LY96: variants seen among roughly 807,000 people sequenced by gnomAD.
LY96 encodes the protein lymphocyte antigen 96, also known as myeloid differentiation protein-2.
In LY96, 18 loss-of-function variants were observed where a neutral mutation model predicts 18.9. That is an observed-to-expected ratio of 0.95 (90% confidence interval 0.66 to 1.41). The LOEUF (loss-of-function observed/expected upper bound fraction) is 1.41. LY96 is among the 40% of genes most tolerant of loss of function. LY96 has a pLI of 0.00. For synonymous variants in LY96, 66 were observed against 62.6 expected, an observed-to-expected ratio of 1.06 and a Z score of -0.26; for missense variants, 175 against 182.4, an observed-to-expected ratio of 0.96 and a Z score of 0.23.
the LY96 span, among the ~76,000 whole-genome samples, chr8:74,042,450 G>T: frequency 1.3e-5 from 2 of 151,964 alleles, no homozygotes; most frequent in African/African-American, 4.8e-5. Context: ...GAACCCAGGA[G>T]GTGGAGGTTG....
At chr8:74,063,163 T>G in the LY96 span, among the ~76,000 whole-genome samples, 1 of 152,302 alleles carries the variant, frequency 6.6e-6, no homozygotes, top group South Asian at 2.1e-4. Flanking sequence ...CCTTGTAACA[T>G]GGACCAACCC....
At chr8:73,992,069 G>A (rs984032978) in intron 1 of LY96, among the ~76,000 whole-genome samples, 7 of 152,192 alleles carry the variant, frequency 4.6e-5, no homozygotes, top group Admixed American at 2.6e-4. Flanking sequence ...TAGCACTGAA[G>A]TGAAAGTGAT....
At chr8:74,057,267 C>A in the LY96 span, among the ~76,000 whole-genome samples, 2 of 152,158 alleles carry the variant, frequency 1.3e-5, no homozygotes, top group Non-Finnish European at 2.9e-5. Context: ...TTGGGAAGTG[C>A]TCCTACCTTT....
the LY96 span, among the ~76,000 whole-genome samples, chr8:74,041,350 C>T: frequency 1.3e-5 from 2 of 152,148 alleles, no homozygotes; most frequent in African/African-American, 2.4e-5. Flanking sequence ...GATTGTAAAA[C>T]ATGTGTGTTT....
At chr8:73,998,000 A>C (rs1037524068) in intron 1 of LY96, among the ~76,000 whole-genome samples, 1 of 152,120 alleles carries the variant, frequency 6.6e-6, no homozygotes, top group Non-Finnish European at 1.5e-5. Context: ...GCATAATCGA[A>C]TGTTAACTCT....
the LY96 span, among the ~76,000 whole-genome samples, chr8:74,077,165 C>T: frequency 6.6e-6 from 1 of 152,182 alleles, no homozygotes; most frequent in Non-Finnish European, 1.5e-5. Context: ...GCACACCACC[C>T]TCCCAGCATC....
At chr8:74,022,995 C>T (rs573958616) in intron 3 of LY96, among the ~76,000 whole-genome samples, 13 of 152,222 alleles carry the variant, frequency 8.5e-5, no homozygotes, top group South Asian at 6.2e-4. Flanking sequence ...GCCCCATATA[C>T]GGAAGGGCCC....
the LY96 span, among the ~76,000 whole-genome samples, chr8:74,060,896 C>T: frequency 2.6e-5 from 4 of 152,164 alleles, no homozygotes; most frequent in African/African-American, 2.4e-5. Context: ...CCGGTTTTGC[C>T]GTAGCAGGTT....
chr8:74,021,072 G>A (rs950261586), intron 3 of LY96, among the ~76,000 whole-genome samples: 1 of 152,128 alleles, frequency 6.6e-6, no homozygotes, highest in Admixed American at 6.5e-5. Context: ...AGACAAATGG[G>A]ATCTAATTAA....
chr8:74,031,403 G>A (rs897956812), downstream of LY96, among the ~76,000 whole-genome samples: 6 of 152,156 alleles, frequency 3.9e-5, no homozygotes, highest in East Asian at 9.6e-4. Context: ...CAAAGCGGGC[G>A]CATCACAAGG....
chr8:73,996,372 C>CCTTTCTTTCCTTCTTTCTTTCTTTCTTT (rs1816136074), intron 1 of LY96, among the ~76,000 whole-genome samples: 1 of 110,910 alleles, frequency 9.0e-6, no homozygotes, highest in South Asian at 3.1e-4. Context: ...TTCCTTCATT[C>CCTTTCTTTCCTTCTTTCTTTCTTTCTTT]CTTTCTTTCT....
At chr8:74,025,184 A>G (rs1392411326) in intron 3 of LY96, among the ~76,000 whole-genome samples, 2 of 152,168 alleles carry the variant, frequency 1.3e-5, no homozygotes, top group African/African-American at 4.8e-5. Context: ...GAGAGAAGGG[A>G]CAGAGTTGTA....
rs1207765902 is a variant in LY96, at chr8:74,002,085, TTCTTTCTTTCTCTC to T, written c.113-2707_113-2694del. Among the ~76,000 whole-genome samples, 5 of 29,304 alleles carry T rather than the reference TTCTTTCTTTCTCTC, an allele frequency of 1.7e-4. 1 individual carries two copies. The highest frequency in any genetic ancestry group is 5.6e-4 in the African/African-American group (3 of 5,314). The allele number at this position is 29,304 out of a possible 152,430, so 19.2% of individuals were successfully genotyped here. ...TTCCTTCCTTCCTTCCTTTCTTTCT[TTCTTTCTTTCTCTC>T]TCTCTCTCTCTCTCTCTCTCTCTCT... is the stretch of plus-strand genomic sequence containing the variant. On this transcript the variant is annotated intron_variant, in intron 1 of 4. Transcript: ENST00000284818.
chr8:74,028,465 G>A (rs142191749), intron 4 of LY96, among the ~76,000 whole-genome samples: 2 of 152,248 alleles, frequency 1.3e-5, no homozygotes, highest in East Asian at 3.9e-4. Flanking sequence ...TAAATATAAT[G>A]TGAACATTGT....
At chr8:74,009,773 A>T (rs1408800679) in intron 2 of LY96, among the ~76,000 whole-genome samples, 17 of 152,180 alleles carry the variant, frequency 1.1e-4, no homozygotes, top group Non-Finnish European at 1.5e-5. Flanking sequence ...GCATAGTTTT[A>T]CTGTGGAACA....
chr8:74,041,433 C>T, the LY96 span, among the ~76,000 whole-genome samples: 1 of 152,120 alleles, frequency 6.6e-6, no homozygotes, highest in Admixed American at 6.5e-5. Context: ...GGGAAGACAA[C>T]CATAAGGTCT....
At chr8:74,012,053 A>G (rs1816543975) in intron 3 of LY96, among the ~76,000 whole-genome samples, 1 of 152,334 alleles carries the variant, frequency 6.6e-6, no homozygotes, top group South Asian at 2.1e-4. Context: ...AGATGTTAGC[A>G]AGAATATGGA....
chr8:74,097,626 T>C, the LY96 span, among the ~76,000 whole-genome samples: 9 of 152,130 alleles, frequency 5.9e-5, no homozygotes, highest in African/African-American at 2.2e-4. Flanking sequence ...GGAGAATCGC[T>C]TGAACCCGGC....
At chr8:74,035,456 G>A in the LY96 span, among the ~76,000 whole-genome samples, 447 of 152,282 alleles carry the variant, frequency 2.9e-3, 4 homozygotes, top group African/African-American at 9.9e-3. Flanking sequence ...AATCTTGGTC[G>A]TAAGAGGGAG....
Sources: allele counts gnomAD v4.1 joint callset (sites outside exome capture counted in the v4.1 genomes callset), GRCh38; gene constraint gnomAD v4.1.1; transcripts MANE v1.5; gene names NCBI Gene and HGNC (gene_info 2026-07-23, HGNC 2026-07-21).